CMTR1: variants seen among roughly 807,000 people sequenced by gnomAD.
The protein encoded by CMTR1 is cap methyltransferase 1.
Under a neutral mutation model 107.0 loss-of-function variants are expected in CMTR1, and 39 were observed. That is an observed-to-expected ratio of 0.36 (90% CI 0.28 to 0.48). The LOEUF (loss-of-function observed/expected upper bound fraction) is 0.48. Ranked by LOEUF, CMTR1 falls within the 20% of genes least tolerant of loss-of-function variation. The pLI is 0.99. For missense variants in CMTR1, 672 were observed against 1,064.9 expected, an observed-to-expected ratio of 0.63 and a Z score of 5.14; for synonymous variants, 366 against 379.5, an observed-to-expected ratio of 0.96 and a Z score of 0.41.
rs746515231 is a variant in CMTR1 at position 37,475,326 on chromosome 6, G to A, written c.1950G>A (p.Lys650=). Residue 650 remains lysine (K), a synonymous_variant, in exon 19 of 24, where the codon AAG becomes AAA. Coordinates refer to ENST00000373451, the MANE Select transcript of CMTR1 (RefSeq NM_015050.3). The stretch of plus-strand genomic sequence containing the variant: ...GTACCTACTTATCCTTCTAGGGGAA[G>A]GCCCAGAGGAAGATCAGTGCCATCC... ...EIVHELKGEG[K]AQRKISAIHI... 9 of 1,613,702 alleles carry A rather than the reference G, an allele frequency of 5.6e-6. No individual in the cohort carries two copies. In the Admixed American group the frequency reaches 6.7e-5, roughly 12 times the overall value.
chr6:37,436,049 T>C (rs375069585), intron 2 of CMTR1, among the ~76,000 whole-genome samples: 8 of 152,198 alleles, frequency 5.3e-5, no homozygotes, highest in African/African-American at 1.9e-4. Context: ...CAGTTAGAAG[T>C]AGTGGTGAGC....
chr6:37,469,206 G>T (rs1175149181), intron 13 of CMTR1, among the ~76,000 whole-genome samples: 1 of 151,750 alleles, frequency 6.6e-6, no homozygotes, highest in African/African-American at 2.4e-5. Context: ...TTTTCACTGG[G>T]TATGGAATTT....
intron 19 of CMTR1, 127 bp from the exon 20 acceptor site, chr6:37,475,999 C>T (rs567923692): frequency 3.5e-6 from 3 of 861,842 alleles, no homozygotes; most frequent in African/African-American, 3.3e-5. Flanking sequence ...ATGGGTGCTG[C>T]CTCTTAGAGC....
intron 10 of CMTR1, among the ~76,000 whole-genome samples, chr6:37,460,955 TCTTTCAG>T (rs1301114328): frequency 1.8e-4 from 27 of 152,248 alleles, no homozygotes; most frequent in Middle Eastern, 3.4e-3. Context: ...CATCACACAT[TCTTTCAG>T]TAAATACCCT....
chr6:37,476,141 G>T lies in CMTR1; in HGVS notation c.2052G>T (p.Glu684Asp). 1 of 1,614,108 alleles carries T rather than the reference G, an allele frequency of 6.2e-7. No homozygotes were observed. The highest frequency in any genetic ancestry group is 8.5e-7 in the Non-Finnish European group (1 of 1,180,006). ...TGGATTGTAGAATTCAGCTTGCCGAGAAATTTGTGAAAGCCGTTTCCAAGC... is the reference window on the plus strand; with the variant it reads ...TGGATTGTAGAATTCAGCTTGCCGATAAATTTGTGAAAGCCGTTTCCAAGC... ...QHFNQRIQLA[E>D]KFVKAVSKPS... The change falls in exon 20 of 24, where the codon GAG (glutamate) becomes GAT (aspartate). Residue 684 changes from glutamate to aspartate, a missense_variant. Glu to Asp is a conservative substitution (Grantham distance 45, BLOSUM62 2). Transcript: ENST00000373451.
chr6:37,450,117 T>G, intron 4 of CMTR1, 134 bp from the exon 5 acceptor site: 2 of 656,276 alleles, frequency 3.0e-6, no homozygotes, highest in Non-Finnish European at 5.4e-6. Context: ...GACCACTGCA[T>G]TTGGCTTCAG....
At chr6:37,451,249 C>G (rs185134366) in intron 5 of CMTR1, among the ~76,000 whole-genome samples, 41 of 152,200 alleles carry the variant, frequency 2.7e-4, no homozygotes, top group African/African-American at 9.6e-4. Context: ...TCAGGATCCT[C>G]AATAATTTTT....
chr6:37,446,785 G>A (rs1771806788), intron 4 of CMTR1, among the ~76,000 whole-genome samples: 1 of 152,202 alleles, frequency 6.6e-6, no homozygotes, highest in Non-Finnish European at 1.5e-5. Flanking sequence ...TGTGCTCTCT[G>A]CTGAAAGTGT....
chr6:37,438,742 CAGA>C (rs1213927673), intron 2 of CMTR1, among the ~76,000 whole-genome samples: 2 of 152,222 alleles, frequency 1.3e-5, no homozygotes. Context: ...CTCCAGTCTG[CAGA>C]AGATCATTTC....
intron 23 of CMTR1, 145 bp downstream of exon 23, chr6:37,479,400 T>C (rs998592216): frequency 3.1e-6 from 2 of 653,122 alleles, no homozygotes; most frequent in Non-Finnish European, 5.5e-6. Flanking sequence ...TGAGAATACT[T>C]GTGGGGATGG....
At chr6:37,447,900 C>A (rs1224128) in intron 4 of CMTR1, among the ~76,000 whole-genome samples, 118,435 of 150,300 alleles carry the variant, frequency 0.79, 47,549 homozygotes, top group African/African-American at 0.93. Context: ...AGTAAGTAAA[C>A]GTTTGTAAGT....
intron 13 of CMTR1, among the ~76,000 whole-genome samples, chr6:37,464,290 C>G (rs939630805): frequency 2.6e-5 from 4 of 151,724 alleles, no homozygotes; most frequent in Non-Finnish European, 4.4e-5. Context: ...ACGGTGAAAC[C>G]CCATCTCTAC....
At chr6:37,454,408 A>C (rs768954426) in intron 8 of CMTR1, among the ~76,000 whole-genome samples, 2 of 152,254 alleles carry the variant, frequency 1.3e-5, no homozygotes, top group African/African-American at 2.4e-5. Flanking sequence ...AGCAGGCAGC[A>C]CAAAAGGGCT....
intron 4 of CMTR1, among the ~76,000 whole-genome samples, chr6:37,449,123 T>C (rs183314341): frequency 1.1e-3 from 173 of 152,206 alleles, no homozygotes; most frequent in Middle Eastern, 6.8e-3. Context: ...TAGACTTTTT[T>C]TTAGTAGAGA....
intron 18 of CMTR1, 70 bp from the exon 19 acceptor site, chr6:37,475,251 C>T (rs1761712519): frequency 4.2e-6 from 5 of 1,198,814 alleles, no homozygotes; most frequent in African/African-American, 3.0e-5. Flanking sequence ...AGCCAGCATG[C>T]CATGGTGGGT....
chr6:37,435,841 C>T, intron 2 of CMTR1, 79 bp downstream of exon 2: 1 of 1,416,214 alleles, frequency 7.1e-7, no homozygotes, highest in Non-Finnish European at 9.4e-7. Context: ...GTGGAGCAGA[C>T]TATAGTCCAC....
Position 37,435,699 on chromosome 6 carries a change from G to C in CMTR1, c.70G>C (p.Ala24Pro). The part of the protein sequence containing the change: ...KKQKKRVAEL[A>P]LSLSSTSDDE... ...ACAGAAAAAAAGAGTTGCAGAGCTT[G>C]CCCTGAGCCTCAGCTCCACGTCCGA... Residue 24 changes from alanine to proline, a missense_variant, in exon 2 of 24, where the codon GCC (alanine) becomes CCC (proline). Physicochemically the swap from Ala to Pro is conservative, Grantham distance 27. This residue lies in a region of CMTR1 where 89 missense variants were observed against 96.6 expected (regional missense o/e 0.92). Transcript: ENST00000373451. 2 of 1,603,948 alleles carry C rather than the reference G, an allele frequency of 1.2e-6. No individual in the cohort carries two copies. Among genetic ancestry groups the C allele is most frequent in the Non-Finnish European group, 1.7e-6 (2 of 1,176,146 alleles).
At chr6:37,432,967 AAGATGAGGTCGTGTG>A (rs1771415017), upstream of CMTR1, among the ~76,000 whole-genome samples, 1 of 152,270 alleles carries the variant, frequency 6.6e-6, no homozygotes, top group South Asian at 2.1e-4. Context: ...AAGATTAAGT[AAGATGAGGTCGTGTG>A]AGGGCACCTA....
chr6:37,445,679 CAG>C (rs1771769896), intron 3 of CMTR1, among the ~76,000 whole-genome samples: 1 of 151,832 alleles, frequency 6.6e-6, no homozygotes, highest in Non-Finnish European at 1.5e-5. Flanking sequence ...TTGGTAGAGA[CAG>C]GGTTTGTTTC....
Sources: allele counts gnomAD v4.1 joint callset (sites outside exome capture counted in the v4.1 genomes callset), GRCh38; gene constraint gnomAD v4.1.1; regional missense constraint gnomAD v4.1.1; transcripts MANE v1.5; gene names NCBI Gene and HGNC (gene_info 2026-07-23, HGNC 2026-07-21).